COL19A1: variants seen among roughly 807,000 people sequenced by gnomAD.
COL19A1 encodes collagen alpha-1(XIX) chain.
In COL19A1, 159 loss-of-function variants were observed where a neutral mutation model predicts 190.2. The observed-to-expected ratio is 0.84, with a 90% CI of 0.73 to 0.95. The LOEUF (loss-of-function observed/expected upper bound fraction) is 0.95, where lower values mean the gene tolerates loss of function less well. Ranked by LOEUF, COL19A1 falls within the 40% of genes least tolerant of loss-of-function variation. COL19A1 has a pLI of 0.00. For missense variants in COL19A1, 1,418 were observed against 1,431.9 expected (o/e 0.99, Z 0.16); for synonymous variants, 509 against 458.9 (o/e 1.11, Z -1.39).
chr6:70,020,825 G>A lies in COL19A1; in HGVS notation c.1027-2802G>A, dbSNP rs555625394. ...CTGAGATTAAGGGACCTTAAGAGAT[G>A]ATAGATGGATGGATGCATAGTTGAT... is the stretch of plus-strand genomic sequence containing the variant. On this transcript the variant is annotated intron_variant, in intron 11 of 50. Transcript: ENST00000620364. Among the ~76,000 whole-genome samples the A allele has an allele frequency of 5.0e-4, 76 of 152,208 alleles. 1 individual carries two copies. In the South Asian group the frequency reaches 0.011, roughly 22 times the overall value.
chr6:69,893,696 A>G (rs1769519830), intron 2 of COL19A1, among the ~76,000 whole-genome samples: 1 of 152,236 alleles, frequency 6.6e-6, no homozygotes, highest in Non-Finnish European at 1.5e-5. Context: ...TCCACATTCT[A>G]TAGAAAATTC....
At chr6:70,184,553 T>C in intron 44 of COL19A1, 150 bp from the exon 45 acceptor site, 1 of 647,092 alleles carries the variant, frequency 1.5e-6, no homozygotes. Flanking sequence ...ACTGTCAGAT[T>C]CTATTTATTT....
chr6:69,925,612 A>C (rs762464044), intron 4 of COL19A1, among the ~76,000 whole-genome samples: 1 of 152,098 alleles, frequency 6.6e-6, no homozygotes, highest in African/African-American at 2.4e-5. Flanking sequence ...GTTTTTTCCA[A>C]TTCTGTGAAG....
At chr6:70,189,327 C>A (rs1766715417) in intron 47 of COL19A1, among the ~76,000 whole-genome samples, 1 of 152,176 alleles carries the variant, frequency 6.6e-6, no homozygotes, top group Admixed American at 6.5e-5. Context: ...GGCTCACTAT[C>A]TAAGTAGGCT....
At chr6:70,038,263 A>T (rs926481961) in intron 14 of COL19A1, among the ~76,000 whole-genome samples, 4 of 152,260 alleles carry the variant, frequency 2.6e-5, no homozygotes, top group African/African-American at 9.6e-5. Flanking sequence ...CTGAAGAGTT[A>T]AAAAACTTAA....
intron 47 of COL19A1, 34 bp from the exon 48 acceptor site, chr6:70,190,281 T>G: frequency 6.7e-7 from 1 of 1,494,712 alleles, no homozygotes; most frequent in Non-Finnish European, 9.3e-7. Flanking sequence ...TGTGCTATGC[T>G]CTATTTTAAC....
chr6:70,079,322 A>G (rs1038905030), intron 15 of COL19A1, among the ~76,000 whole-genome samples: 3 of 152,246 alleles, frequency 2.0e-5, no homozygotes, highest in Admixed American at 6.5e-5. Context: ...CATTAGGGCT[A>G]CGGAAAGAAT....
At chr6:70,141,833 G>T in intron 20 of COL19A1, 60 bp from the exon 21 acceptor site, 1 of 1,075,966 alleles carries the variant, frequency 9.3e-7, no homozygotes, top group Non-Finnish European at 1.4e-6. Flanking sequence ...TAAAGTATCA[G>T]AGATGTCCAT....
At chr6:69,926,418 T>C (rs1231050961) in intron 4 of COL19A1, among the ~76,000 whole-genome samples, 1 of 152,098 alleles carries the variant, frequency 6.6e-6, no homozygotes, top group Non-Finnish European at 1.5e-5. Context: ...ATGAGAATGA[T>C]GTCTTACCAA....
At chr6:70,143,076 C>T (rs1159302317) in intron 23 of COL19A1, among the ~76,000 whole-genome samples, 1 of 152,088 alleles carries the variant, frequency 6.6e-6, no homozygotes, top group Admixed American at 6.6e-5. Context: ...ATCAAATTGT[C>T]ATTTTGGACA....
intron 41 of COL19A1, among the ~76,000 whole-genome samples, chr6:70,176,286 T>G (rs558924126): frequency 6.6e-6 from 1 of 152,310 alleles, no homozygotes; most frequent in South Asian, 2.1e-4. Flanking sequence ...TTAAAACTAT[T>G]ATTTACTTTA....
chr6:70,144,671 C>A (rs1029156301), intron 24 of COL19A1, among the ~76,000 whole-genome samples: 2 of 152,124 alleles, frequency 1.3e-5, no homozygotes, highest in African/African-American at 4.8e-5. Context: ...CCCTTTTGTG[C>A]ATACACATGC....
intron 14 of COL19A1, among the ~76,000 whole-genome samples, chr6:70,039,019 A>G (rs1483100539): frequency 6.6e-6 from 1 of 151,524 alleles, no homozygotes; most frequent in Non-Finnish European, 1.5e-5. Flanking sequence ...GCGCCACTGC[A>G]CTCCAGCCCA....
intron 14 of COL19A1, among the ~76,000 whole-genome samples, chr6:70,050,167 A>C (rs1780130424): frequency 6.6e-6 from 1 of 152,062 alleles, no homozygotes; most frequent in Admixed American, 6.6e-5. Flanking sequence ...AAGTGAGTTA[A>C]TATATGTAAA....
intron 17 of COL19A1, among the ~76,000 whole-genome samples, chr6:70,127,169 T>G (rs1460296324): frequency 6.6e-6 from 1 of 152,098 alleles, no homozygotes; most frequent in African/African-American, 2.4e-5. Flanking sequence ...TTGGTCAGTT[T>G]AGGGAGCTGA....
In COL19A1 at chr6:70,025,823, A is replaced by G. The variant is rs1778703499; in HGVS notation, c.1080+2143A>G. On this transcript the variant is annotated intron_variant, in intron 12 of 50. Coordinates refer to ENST00000620364, the MANE Select transcript of COL19A1 (RefSeq NM_001858.6). Reference sequence around the variant, plus strand: ...AATATAAGTAATTAGAGTCTAAGCTAGAATAACAGATGTGGAAGGGAAGAT... The same window carrying G: ...AATATAAGTAATTAGAGTCTAAGCTGGAATAACAGATGTGGAAGGGAAGAT... Among the ~76,000 whole-genome samples, 2 of 152,256 alleles carry G rather than the reference A, an allele frequency of 1.3e-5. 1 individual carries two copies.
intron 16 of COL19A1, among the ~76,000 whole-genome samples, chr6:70,112,811 A>G (rs1300753845): frequency 6.6e-6 from 1 of 152,184 alleles, no homozygotes; most frequent in Non-Finnish European, 1.5e-5. Context: ...ATCAGATCAC[A>G]TATTGAGTAT....
chr6:70,070,015 C>T (rs1321701705), intron 15 of COL19A1, among the ~76,000 whole-genome samples: 1 of 152,102 alleles, frequency 6.6e-6, no homozygotes, highest in Non-Finnish European at 1.5e-5. Flanking sequence ...TAACACCAGC[C>T]TAGGCTACCA....
Position 69,955,108 on chromosome 6 carries a change from G to A in COL19A1, c.937-4888G>A, listed in dbSNP as rs555488092. ...CTGTAGTATTTTTATGAAGTTTTAAGTTTGGTTTAAAGACTCTCTTACAGT... is the reference window on the plus strand; with the variant it reads ...CTGTAGTATTTTTATGAAGTTTTAAATTTGGTTTAAAGACTCTCTTACAGT... On this transcript the variant is annotated intron_variant, in intron 9 of 50. Coordinates refer to ENST00000620364, the MANE Select transcript of COL19A1 (RefSeq NM_001858.6). 4.6e-5 allele frequency among the ~76,000 whole-genome samples: 7 copies of A among 152,154 alleles called. No individual in the cohort carries two copies. In the South Asian group the frequency reaches 1.5e-3, roughly 32 times the overall value.
Sources: gnomAD v4.1 joint callset for allele counts (sites outside exome capture counted in the v4.1 genomes callset) on GRCh38, gnomAD v4.1.1 for gene constraint, MANE v1.5 for transcripts, NCBI Gene and HGNC (gene_info 2026-07-23, HGNC 2026-07-21) for gene names.